Variants in EVI5 observed in about 807,000 individuals in gnomAD.
The protein encoded by EVI5 is ecotropic viral integration site 5 protein homolog.
EVI5 carries 73 observed loss-of-function variants against 112.0 expected under a neutral mutation model. That is an observed-to-expected ratio of 0.65 (90% CI 0.54 to 0.79). The LOEUF (loss-of-function observed/expected upper bound fraction) is 0.79. EVI5 is among the 30% of genes least tolerant of loss of function. The pLI is 0.00. For missense variants in EVI5, 900 were observed against 968.8 expected (o/e 0.93, Z 0.94); for synonymous variants, 305 against 319.9 (o/e 0.95, Z 0.50).
At chr1:92,726,279 G>A (rs1216444886) in intron 2 of EVI5, among the ~76,000 whole-genome samples, 1 of 152,096 alleles carries the variant, frequency 6.6e-6, no homozygotes, top group Non-Finnish European at 1.5e-5. Context: ...TAAAACCAGT[G>A]ATAAAGCAGA....
At chr1:92,573,107 G>T (rs1228912645) in intron 18 of EVI5, among the ~76,000 whole-genome samples, 1 of 152,040 alleles carries the variant, frequency 6.6e-6, no homozygotes, top group East Asian at 1.9e-4. Flanking sequence ...AATGAATATA[G>T]TAATATGAAC....
Position 92,736,632 on chromosome 1 carries a change from G to T in EVI5, c.-81-5C>A. On this transcript the variant is annotated splice_polypyrimidine_tract_variant and splice_region_variant and intron_variant, in intron 1 of 19. Transcript: ENST00000684568. ...TGCAACTTTGTCTGTCGCCACCTAA[G>T]GACAAAAATAAAAGTTGCATATACT... The T allele has an allele frequency of 6.2e-7, 1 of 1,602,702 alleles. No individual in the cohort carries two copies. The highest frequency in any genetic ancestry group is 8.5e-7 in the Non-Finnish European group (1 of 1,170,090).
At chr1:92,546,654 C>T (rs1301499081) in intron 19 of EVI5, among the ~76,000 whole-genome samples, 2 of 152,078 alleles carry the variant, frequency 1.3e-5, no homozygotes, top group African/African-American at 4.8e-5. Context: ...CGAGATCACG[C>T]CACTGCACTC....
At chr1:92,762,340 T>C (rs1278914739) in intron 1 of EVI5, among the ~76,000 whole-genome samples, 1 of 152,230 alleles carries the variant, frequency 6.6e-6, no homozygotes, top group Non-Finnish European at 1.5e-5. Flanking sequence ...TGCTTTATTA[T>C]GAGCCAGGCA....
chr1:92,716,300 C>A (rs927330268), intron 2 of EVI5, among the ~76,000 whole-genome samples: 2 of 152,186 alleles, frequency 1.3e-5, no homozygotes, highest in African/African-American at 4.8e-5. Flanking sequence ...TGTTCTGCAG[C>A]CTCTGCTGGT....
At chr1:92,564,287 G>C (rs1450985585) in intron 18 of EVI5, among the ~76,000 whole-genome samples, 4 of 152,042 alleles carry the variant, frequency 2.6e-5, no homozygotes, top group Non-Finnish European at 5.9e-5. Context: ...AATTACCCTA[G>C]AATTTCAAAG....
chr1:92,611,960 G>A (rs969429678), intron 16 of EVI5, among the ~76,000 whole-genome samples: 2 of 151,844 alleles, frequency 1.3e-5, no homozygotes, highest in Non-Finnish European at 2.9e-5. Context: ...AGAATTCAGA[G>A]CAAAAATAAC....
intron 2 of EVI5, among the ~76,000 whole-genome samples, chr1:92,706,760 C>T (rs1013836800): frequency 8.5e-5 from 13 of 152,198 alleles, no homozygotes; most frequent in African/African-American, 2.9e-4. Flanking sequence ...CTGTGAGGAA[C>T]GTTTACAAAT....
At position 92,564,683 on chromosome 1, in the gene EVI5, T is replaced by A. The variant is rs1571572107; in HGVS notation, c.2071-946A>T. ...ACATAAATTATTTTTCAGATAAAGA[T>A]TTTTTTTTTTTTTTTTGAGATGGAC... On this transcript the variant is annotated intron_variant, in intron 18 of 19. Transcript: ENST00000684568. Among the ~76,000 whole-genome samples the A allele has an allele frequency of 3.3e-3, 13 of 3,936 alleles. No individual in the cohort carries two copies. The South Asian group carries it at 0.32, about 96-fold the overall frequency. The allele number at this position is 3,936 out of a possible 152,430, so 2.6% of individuals were successfully genotyped here.
chr1:92,663,648 G>C (rs1021448615), intron 11 of EVI5, among the ~76,000 whole-genome samples, 196 bp from the exon 12 acceptor site: 4 of 152,160 alleles, frequency 2.6e-5, no homozygotes, highest in Non-Finnish European at 5.9e-5. Context: ...AACAAGGATA[G>C]GTGGTTGAAA....
chr1:92,540,318 G>T (rs1211502816), intron 19 of EVI5, among the ~76,000 whole-genome samples: 1 of 152,066 alleles, frequency 6.6e-6, no homozygotes, highest in Non-Finnish European at 1.5e-5. Context: ...GTGTATGAGG[G>T]TTCCAATTTT....
rs1659043410 is a variant in EVI5 at position 92,509,299 on chromosome 1, A to G, written c.*4357T>C. ...AAAGGCACTATCTGGAGAGTTAACA[A>G]GCTGCATCATGTTCAGAATTGAGAA... is the stretch of plus-strand genomic sequence containing the variant. On this transcript the variant is annotated 3_prime_UTR_variant, in exon 20 of 20. Coordinates refer to ENST00000684568, the MANE Select transcript of EVI5 (RefSeq NM_001350197.2). 1 of 152,650 alleles carries G rather than the reference A, an allele frequency of 6.6e-6. No individual in the cohort carries two copies. Among genetic ancestry groups the G allele is most frequent in the Non-Finnish European group, 1.5e-5 (1 of 68,058 alleles). The allele number at this position is 152,650 out of a possible 1,614,324, so 9.5% of individuals were successfully genotyped here. A position where few individuals can be genotyped will look rare whatever the true frequency, so the allele number is the denominator to read the frequency against.
intron 2 of EVI5, among the ~76,000 whole-genome samples, chr1:92,714,584 T>C (rs1673330849): frequency 6.6e-6 from 1 of 152,220 alleles, no homozygotes; most frequent in African/African-American, 2.4e-5. Context: ...TTTGTCATTT[T>C]ACTTTACTTA....
At chr1:92,687,617 G>T (rs1668780521) in intron 9 of EVI5, among the ~76,000 whole-genome samples, 2 of 152,158 alleles carry the variant, frequency 1.3e-5, no homozygotes, top group Non-Finnish European at 1.5e-5. Flanking sequence ...TAAAGAATGG[G>T]AGAAAATCTT....
intron 16 of EVI5, among the ~76,000 whole-genome samples, chr1:92,611,991 C>A (rs1178224280): frequency 6.6e-6 from 1 of 151,742 alleles, no homozygotes; most frequent in Non-Finnish European, 1.5e-5. Context: ...GTGAACAAAT[C>A]CAGATAAGCT....
At chr1:92,582,684 AG>A (rs1672129845) in intron 18 of EVI5, among the ~76,000 whole-genome samples, 1 of 152,202 alleles carries the variant, frequency 6.6e-6, no homozygotes, top group African/African-American at 2.4e-5. Flanking sequence ...CCAGAAAAAA[AG>A]GTGGCCCTTT....
intron 9 of EVI5, among the ~76,000 whole-genome samples, chr1:92,679,299 G>A (rs760500390): frequency 6.6e-6 from 1 of 152,160 alleles, no homozygotes; most frequent in Non-Finnish European, 1.5e-5. Context: ...TGTCAAAAAG[G>A]CTGGGGACCA....
intron 13 of EVI5, among the ~76,000 whole-genome samples, chr1:92,645,384 T>C (rs780174648): frequency 2.0e-5 from 3 of 152,192 alleles, no homozygotes; most frequent in Non-Finnish European, 4.4e-5. Flanking sequence ...CCAGTTGTAA[T>C]TAAAATATTA....
chr1:92,523,921 A>T (rs949706585), intron 19 of EVI5, among the ~76,000 whole-genome samples: 2 of 151,990 alleles, frequency 1.3e-5, no homozygotes, highest in African/African-American at 4.8e-5. Context: ...CCCTGACTCT[A>T]CTAAAAATAT....
Sources: allele counts gnomAD v4.1 joint callset (sites outside exome capture counted in the v4.1 genomes callset), GRCh38; gene constraint gnomAD v4.1.1; transcripts MANE v1.5; gene names NCBI Gene and HGNC (gene_info 2026-07-23, HGNC 2026-07-21).